Variants in NEGR1 observed in about 807,000 individuals in gnomAD.
NEGR1 encodes neuronal growth regulator 1.
Under a neutral mutation model 40.9 loss-of-function variants are expected in NEGR1, and 10 were observed. That is an observed-to-expected ratio of 0.24 (90% CI 0.15 to 0.42). The LOEUF (loss-of-function observed/expected upper bound fraction) is 0.42. NEGR1 is among the 10% of genes least tolerant of loss of function. NEGR1 has a pLI of 1.00. For missense variants in NEGR1, 352 were observed against 438.9 expected, an observed-to-expected ratio of 0.80 and a Z score of 1.77; for synonymous variants, 185 against 166.8, an observed-to-expected ratio of 1.11 and a Z score of -0.84.
rs1226318335 is a variant in NEGR1 at position 71,401,792 on chromosome 1, G to T, written c.*5654C>A. The T allele has an allele frequency of 6.6e-6, 1 of 152,100 alleles. No homozygotes were observed. The highest frequency in any genetic ancestry group is 1.5e-5 in the Non-Finnish European group (1 of 68,024). The allele number at this position is 152,100 out of a possible 1,614,324, so 9.4% of individuals were successfully genotyped here. ...TTTTTTGCAAAATGCTATACAAAAA[G>T]AAGATACATGCGATTATGACAAGAT... On this transcript the variant is annotated 3_prime_UTR_variant, in exon 7 of 7. Coordinates refer to ENST00000357731, the MANE Select transcript of NEGR1 (RefSeq NM_173808.3).
intron 1 of NEGR1, among the ~76,000 whole-genome samples, chr1:72,058,438 T>A (rs1033627241): frequency 1.3e-5 from 2 of 151,628 alleles, no homozygotes; most frequent in African/African-American, 4.8e-5. Flanking sequence ...GTTGATATTC[T>A]GTTAGAGGTT....
chr1:72,002,311 T>C (rs1646564431), intron 1 of NEGR1, among the ~76,000 whole-genome samples: 1 of 152,090 alleles, frequency 6.6e-6, no homozygotes, highest in African/African-American at 2.4e-5. Flanking sequence ...AAATTTGTTA[T>C]AAAATAAAAA....
At chr1:71,843,647 C>A (rs963463221) in intron 2 of NEGR1, among the ~76,000 whole-genome samples, 1 of 151,934 alleles carries the variant, frequency 6.6e-6, no homozygotes, top group Admixed American at 6.6e-5. Context: ...GTAAAACATT[C>A]GTAATAGTTT....
At chr1:72,144,080 T>G (rs1270269505) in intron 1 of NEGR1, among the ~76,000 whole-genome samples, 1 of 150,608 alleles carries the variant, frequency 6.6e-6, no homozygotes, top group East Asian at 1.9e-4. Flanking sequence ...GTAAGATTTT[T>G]TTTTTAAAAA....
chr1:71,955,629 AAAGCAGC>A (rs1407782830), intron 1 of NEGR1, among the ~76,000 whole-genome samples: 1 of 152,180 alleles, frequency 6.6e-6, no homozygotes, highest in Non-Finnish European at 1.5e-5. Context: ...TCTCAGCATT[AAAGCAGC>A]AAATTTTACT....
chr1:71,910,782 C>T (rs772869694), intron 2 of NEGR1, among the ~76,000 whole-genome samples: 11 of 152,128 alleles, frequency 7.2e-5, no homozygotes, highest in Admixed American at 2.0e-4. Flanking sequence ...ACTGCAGCCT[C>T]GGCTTCGCAG....
At chr1:71,617,943 C>T (rs776348906) in intron 4 of NEGR1, among the ~76,000 whole-genome samples, 5 of 152,162 alleles carry the variant, frequency 3.3e-5, no homozygotes, top group Admixed American at 6.5e-5. Context: ...TAGAATGGGT[C>T]GCAAAACTTG....
intron 6 of NEGR1, among the ~76,000 whole-genome samples, chr1:71,590,090 CA>C (rs929025954): frequency 1.3e-5 from 2 of 152,110 alleles, no homozygotes; most frequent in African/African-American, 2.4e-5. Context: ...ACCATTCCCA[CA>C]CCCAGGCTCA....
chr1:71,959,569 T>G (rs1646146809), intron 1 of NEGR1, among the ~76,000 whole-genome samples: 1 of 152,168 alleles, frequency 6.6e-6, no homozygotes, highest in African/African-American at 2.4e-5. Context: ...ATTTTCTGTG[T>G]CTCTGGGGTC....
intron 6 of NEGR1, among the ~76,000 whole-genome samples, chr1:71,584,768 A>C (rs921213682): frequency 2.6e-5 from 4 of 152,208 alleles, no homozygotes; most frequent in Non-Finnish European, 4.4e-5. Context: ...AAAGATCAGG[A>C]AAGTCATACT....
chr1:71,677,678 T>C (rs542255047), intron 4 of NEGR1, among the ~76,000 whole-genome samples: 9 of 152,300 alleles, frequency 5.9e-5, no homozygotes, highest in Non-Finnish European at 1.2e-4. Context: ...TCACGGAGCA[T>C]GTGTTTCATT....
intron 2 of NEGR1, among the ~76,000 whole-genome samples, chr1:71,903,950 G>A (rs1056529477): frequency 4.0e-5 from 6 of 151,862 alleles, no homozygotes; most frequent in Admixed American, 3.9e-4. Flanking sequence ...TAATTTGCAT[G>A]AGTCTTATTC....
chr1:71,776,476 T>C (rs1656514136), intron 2 of NEGR1, among the ~76,000 whole-genome samples, 179 bp from the exon 3 acceptor site: 1 of 152,174 alleles, frequency 6.6e-6, no homozygotes, highest in Non-Finnish European at 1.5e-5. Flanking sequence ...GAGTTTTTTA[T>C]TAGTTTTTTT....
At chr1:71,933,853 C>T (rs1489121017) in intron 2 of NEGR1, among the ~76,000 whole-genome samples, 1 of 152,034 alleles carries the variant, frequency 6.6e-6, no homozygotes, top group Non-Finnish European at 1.5e-5. Context: ...AACCTCATCA[C>T]AAAGTTAAAA....
At chr1:71,603,784 T>C (rs894075924) in intron 5 of NEGR1, among the ~76,000 whole-genome samples, 9 of 152,198 alleles carry the variant, frequency 5.9e-5, no homozygotes, top group African/African-American at 2.2e-4. Flanking sequence ...AAATTTTCTG[T>C]CTCAGCTCAT....
intron 6 of NEGR1, among the ~76,000 whole-genome samples, chr1:71,562,144 A>G (rs561135359): frequency 2.0e-5 from 3 of 151,896 alleles, no homozygotes; most frequent in Non-Finnish European, 4.4e-5. Context: ...CCAAGGGTTT[A>G]ATTCAGATTG....
chr1:71,836,840 G>A (rs530452783), intron 2 of NEGR1: 13 of 152,060 alleles, frequency 8.5e-5, no homozygotes, highest in African/African-American at 2.9e-4. Context: ...CAGACCTCAT[G>A]ACTAAATACC....
intron 1 of NEGR1, among the ~76,000 whole-genome samples, chr1:71,976,815 A>C (rs1460722213): frequency 6.6e-6 from 1 of 152,198 alleles, no homozygotes; most frequent in African/African-American, 2.4e-5. Flanking sequence ...AAATGTCAAC[A>C]AGAAAAAAAC....
At chr1:71,621,644 A>G (rs1297972497) in intron 4 of NEGR1, among the ~76,000 whole-genome samples, 2 of 151,894 alleles carry the variant, frequency 1.3e-5, no homozygotes, top group African/African-American at 4.8e-5. Context: ...GCAGAGATAT[A>G]TGACTACATA....
Sources: allele counts gnomAD v4.1 joint callset (sites outside exome capture counted in the v4.1 genomes callset), GRCh38; gene constraint gnomAD v4.1.1; transcripts MANE v1.5; gene names NCBI Gene and HGNC (gene_info 2026-07-23, HGNC 2026-07-21).